The following ATRNL1 variants were observed in gnomAD, a reference collection of about 807,000 sequenced individuals.
The protein encoded by ATRNL1 is attractin-like protein 1.
ATRNL1 carries 95 observed loss-of-function variants against 182.7 expected under a neutral mutation model. That is an observed-to-expected ratio of 0.52 (90% CI 0.44 to 0.62). The LOEUF (loss-of-function observed/expected upper bound fraction) is 0.62. Among genes scored for constraint, ATRNL1 ranks in the 20% least tolerant of loss-of-function variants. ATRNL1 has a pLI of 0.00. For synonymous variants in ATRNL1, 576 were observed against 568.3 expected, an observed-to-expected ratio of 1.01 and a Z score of -0.19; for missense variants, 1,471 against 1,679.5, an observed-to-expected ratio of 0.88 and a Z score of 2.17.
At chr10:115,607,112 T>G (rs1555017824) in intron 26 of ATRNL1, among the ~76,000 whole-genome samples, 1 of 152,006 alleles carries the variant, frequency 6.6e-6, no homozygotes, top group Non-Finnish European at 1.5e-5. Flanking sequence ...TCAATATATT[T>G]TTCATCTTAG....
intron 21 of ATRNL1, among the ~76,000 whole-genome samples, chr10:115,443,690 A>T (rs1846814440): frequency 6.6e-6 from 1 of 152,146 alleles, no homozygotes; most frequent in Non-Finnish European, 1.5e-5. Context: ...CTTGGTTATT[A>T]TGGATACGCA....
Position 115,538,621 on chromosome 10 carries a change from A to G in ATRNL1, c.3717-10837A>G, listed in dbSNP as rs868939686. ...AACTCTTTTGCCAGATGTGATTTGC[A>G]AATATTTTCCCTCAGTCTTTGAATT... On this transcript the variant is annotated intron_variant, in intron 25 of 28. Coordinates refer to ENST00000355044, the MANE Select transcript of ATRNL1 (RefSeq NM_207303.4). 3.9e-5 allele frequency among the ~76,000 whole-genome samples: 6 copies of G among 152,288 alleles called. No homozygotes were observed. The Middle Eastern group carries it at 0.01, about 259-fold the overall frequency.
intron 25 of ATRNL1, among the ~76,000 whole-genome samples, chr10:115,527,006 A>G (rs2133727340): frequency 6.6e-6 from 1 of 152,158 alleles, no homozygotes; most frequent in Middle Eastern, 3.4e-3. Context: ...TTGACTAAGG[A>G]CAGCCCTTGG....
chr10:115,571,950 G>A (rs1854419318), intron 26 of ATRNL1, among the ~76,000 whole-genome samples: 1 of 151,828 alleles, frequency 6.6e-6, no homozygotes, highest in Admixed American at 6.6e-5. Flanking sequence ...TCTCTTTCAA[G>A]TTTATATACA....
intron 27 of ATRNL1, among the ~76,000 whole-genome samples, chr10:115,799,051 TCCTG>T: frequency 6.6e-6 from 1 of 152,062 alleles, no homozygotes; most frequent in Non-Finnish European, 1.5e-5. Context: ...GGTCTTGAAC[TCCTG>T]ACCTCGTGTT....
intron 27 of ATRNL1, among the ~76,000 whole-genome samples, chr10:115,739,678 A>G (rs1211748591): frequency 6.6e-6 from 1 of 152,340 alleles, no homozygotes; most frequent in Admixed American, 6.5e-5. Context: ...AATTAATACA[A>G]CTTTCTCAGT....
intron 28 of ATRNL1, among the ~76,000 whole-genome samples, chr10:115,865,113 G>A (rs1386402522): frequency 6.6e-6 from 1 of 152,148 alleles, no homozygotes; most frequent in Non-Finnish European, 1.5e-5. Context: ...ATACATTGGA[G>A]TCTAATAACA....
chr10:115,818,858 T>G (rs1297867787), intron 27 of ATRNL1, among the ~76,000 whole-genome samples: 1 of 152,092 alleles, frequency 6.6e-6, no homozygotes, highest in South Asian at 2.1e-4. Flanking sequence ...TGCTAGTCAC[T>G]GGCAAGACAA....
intron 26 of ATRNL1, among the ~76,000 whole-genome samples, chr10:115,691,998 G>A (rs924808959): frequency 6.6e-6 from 1 of 151,974 alleles, no homozygotes; most frequent in African/African-American, 2.4e-5. Flanking sequence ...AGGTTTTGTT[G>A]CCAGTGCTCT....
chr10:115,763,461 C>T (rs931963317), intron 27 of ATRNL1, among the ~76,000 whole-genome samples: 2 of 152,182 alleles, frequency 1.3e-5, no homozygotes, highest in Non-Finnish European at 2.9e-5. Flanking sequence ...TGAGCAGGAT[C>T]TTGAAAAAGA....
rs906653865 is a variant in ATRNL1 at position 115,802,652 on chromosome 10, A to G, written c.3904-45225A>G. Among the ~76,000 whole-genome samples the G allele has an allele frequency of 2.6e-5, 4 of 152,204 alleles. No individual in the cohort carries two copies. In the South Asian group the frequency reaches 8.3e-4, roughly 31 times the overall value. On this transcript the variant is annotated intron_variant, in intron 27 of 28. Coordinates refer to ENST00000355044, the MANE Select transcript of ATRNL1 (RefSeq NM_207303.4). The stretch of plus-strand genomic sequence containing the variant: ...TTTAAAATGGCAATATTTCATAATA[A>G]CAGTATAAAATGAAAATAATTGACT...
chr10:115,201,996 G>A (rs1244679482), intron 8 of ATRNL1, among the ~76,000 whole-genome samples: 289 of 151,942 alleles, frequency 1.9e-3, no homozygotes, highest in African/African-American at 6.9e-3. Flanking sequence ...TGAAGCAGTT[G>A]TGAATGGGAG....
chr10:115,283,322 G>A (rs1852458515), intron 14 of ATRNL1, among the ~76,000 whole-genome samples: 1 of 152,068 alleles, frequency 6.6e-6, no homozygotes, highest in South Asian at 2.1e-4. Context: ...GCTGAGGCAG[G>A]AGAATCACTT....
At chr10:115,117,891 A>G (rs781803261) in intron 1 of ATRNL1, among the ~76,000 whole-genome samples, 1 of 152,144 alleles carries the variant, frequency 6.6e-6, no homozygotes, top group Non-Finnish European at 1.5e-5. Flanking sequence ...GATATAAGCC[A>G]TTTTAACTGG....
chr10:115,839,322 G>A (rs875377), intron 27 of ATRNL1, among the ~76,000 whole-genome samples: 111,679 of 151,926 alleles, frequency 0.74, 41,168 homozygotes, highest in Admixed American at 0.81. Flanking sequence ...GCACGTGTCC[G>A]TTTCCATCCG....
intron 28 of ATRNL1, among the ~76,000 whole-genome samples, chr10:115,881,231 G>A (rs1951820329): frequency 6.6e-6 from 1 of 152,194 alleles, no homozygotes; most frequent in South Asian, 2.1e-4. Flanking sequence ...TAGTTCCAGG[G>A]CCACCACTAG....
intron 26 of ATRNL1, among the ~76,000 whole-genome samples, chr10:115,689,387 T>C (rs1248944946): frequency 6.6e-6 from 1 of 152,354 alleles, no homozygotes; most frequent in Non-Finnish European, 1.5e-5. Context: ...CATTTATTGC[T>C]AAAAACTTGC....
chr10:115,404,063 C>T, intron 20 of ATRNL1, among the ~76,000 whole-genome samples: 1 of 152,144 alleles, frequency 6.6e-6, no homozygotes, highest in East Asian at 1.9e-4. Flanking sequence ...GTTTTGGTAA[C>T]AAGTCTAACT....
chr10:115,583,460 C>T lies in ATRNL1; in HGVS notation c.3795+33924C>T, dbSNP rs1555008510. Among the ~76,000 whole-genome samples the T allele has an allele frequency of 2.8e-5, 3 of 107,798 alleles. 1 individual carries two copies. Among genetic ancestry groups the T allele is most frequent in the African/African-American group, 8.5e-5 (3 of 35,346 alleles). 70.7% of individuals were successfully genotyped at this position (107,798 alleles called of 152,430 possible). On this transcript the variant is annotated intron_variant, in intron 26 of 28. Transcript: ENST00000355044. ...GTTTGTAGTTCTCCTTGAAGAGATCCGTCACATCCCTTGTAAGTTGGATTC... is the reference window on the plus strand; with the variant it reads ...GTTTGTAGTTCTCCTTGAAGAGATCTGTCACATCCCTTGTAAGTTGGATTC...
Sources: gnomAD v4.1 joint callset for allele counts (sites outside exome capture counted in the v4.1 genomes callset) on GRCh38, gnomAD v4.1.1 for gene constraint, MANE v1.5 for transcripts, NCBI Gene and HGNC (gene_info 2026-07-23, HGNC 2026-07-21) for gene names.